The following CRTAC1 variants were observed in gnomAD, a reference collection of about 807,000 sequenced individuals.
CRTAC1 encodes the protein acidic secreted protein in cartilage.
In CRTAC1, 37 loss-of-function variants were observed where a neutral mutation model predicts 67.8. The ratio of observed to expected loss-of-function variants is 0.55; its 90% CI spans 0.42 to 0.72. The LOEUF (loss-of-function observed/expected upper bound fraction) is 0.72. CRTAC1 is among the 30% of genes least tolerant of loss of function. The probability of loss-of-function intolerance (pLI) is 0.00; values close to 1 mark genes in which losing one functional copy is unlikely to be tolerated. For missense variants in CRTAC1, 780 were observed against 931.6 expected (o/e 0.84, Z 2.12); for synonymous variants, 348 against 371.0 (o/e 0.94, Z 0.71).
intron 4 of CRTAC1, among the ~76,000 whole-genome samples, chr10:97,922,912 G>A (rs1192530715): frequency 1.3e-5 from 2 of 152,308 alleles, no homozygotes; most frequent in Non-Finnish European, 2.9e-5. Context: ...ATGAATACAG[G>A]CAGGATTTAG....
intron 2 of CRTAC1, among the ~76,000 whole-genome samples, chr10:97,967,972 A>G (rs557409410): frequency 6.6e-6 from 1 of 152,350 alleles, no homozygotes; most frequent in Non-Finnish European, 1.5e-5. Context: ...AGATCTGGGC[A>G]AGGAGAAAGA....
intron 2 of CRTAC1, among the ~76,000 whole-genome samples, chr10:97,968,783 C>T (rs959080087): frequency 5.9e-5 from 9 of 152,190 alleles, no homozygotes; most frequent in African/African-American, 2.2e-4. Context: ...CTGAAAAGAC[C>T]ATGAATCACC....
chr10:97,995,353 T>A (rs1203045795), intron 2 of CRTAC1, among the ~76,000 whole-genome samples: 2 of 152,194 alleles, frequency 1.3e-5, no homozygotes, highest in Non-Finnish European at 1.5e-5. Context: ...AAGACTTCCA[T>A]GCTGTAGAAC....
intron 14 of CRTAC1, among the ~76,000 whole-genome samples, chr10:97,873,001 C>T (rs1367079100): frequency 6.6e-6 from 1 of 152,186 alleles, no homozygotes; most frequent in Non-Finnish European, 1.5e-5. Context: ...CGTCCTGGCA[C>T]AGATTTTATG....
chr10:97,919,564 T>C (rs994977465), intron 4 of CRTAC1, among the ~76,000 whole-genome samples: 1 of 152,120 alleles, frequency 6.6e-6, no homozygotes, highest in Non-Finnish European at 1.5e-5. Context: ...TTTATGCTGC[T>C]ACCCGGAAAT....
chr10:97,905,262 T>C (rs531261579), intron 6 of CRTAC1, among the ~76,000 whole-genome samples: 9 of 152,318 alleles, frequency 5.9e-5, no homozygotes, highest in African/African-American at 1.9e-4. Context: ...CACAGGGTTC[T>C]GCCTGACCAT....
intron 12 of CRTAC1, among the ~76,000 whole-genome samples, chr10:97,883,815 C>T (rs2136541514): frequency 6.6e-6 from 1 of 152,332 alleles, no homozygotes; most frequent in East Asian, 1.9e-4. Context: ...CACCCTAGGG[C>T]AATAGGAGGT....
At chr10:97,918,354 T>A (rs1280601218) in intron 4 of CRTAC1, among the ~76,000 whole-genome samples, 1 of 152,180 alleles carries the variant, frequency 6.6e-6, no homozygotes, top group Non-Finnish European at 1.5e-5. Flanking sequence ...GTCATTCTCT[T>A]CTCTAGTCCA....
Position 97,878,605 on chromosome 10 carries a change from G to A in CRTAC1, c.1819+1644C>T, listed in dbSNP as rs780742007. Reference sequence around the variant, plus strand: ...GCTGGTCGTGAGCATATTCTGTGGCGTTACATCATTTCCAAAGAGTGTTCT... The same window carrying A: ...GCTGGTCGTGAGCATATTCTGTGGCATTACATCATTTCCAAAGAGTGTTCT... On this transcript the variant is annotated intron_variant, in intron 14 of 14. Coordinates refer to ENST00000370597, the MANE Select transcript of CRTAC1 (RefSeq NM_018058.7). The A allele has an allele frequency of 1.5e-4, 191 of 1,302,970 alleles. 1 individual carries two copies. Among genetic ancestry groups the A allele is most frequent in the African/African-American group, 6.5e-4 (43 of 65,904 alleles). 80.7% of individuals were successfully genotyped at this position (1,302,970 alleles called of 1,614,324 possible).
At chr10:98,005,100 A>ATATATAT in intron 2 of CRTAC1, among the ~76,000 whole-genome samples, 4 of 48,926 alleles carry the variant, frequency 8.2e-5, no homozygotes, top group African/African-American at 1.2e-4. Context: ...ATATATATAT[A>ATATATAT]TTTTTTTTTT....
chr10:97,986,956 C>T (rs1181904556), intron 2 of CRTAC1, among the ~76,000 whole-genome samples: 1 of 152,212 alleles, frequency 6.6e-6, no homozygotes, highest in Non-Finnish European at 1.5e-5. Flanking sequence ...GAGTTTGGTA[C>T]ATTGCAGGTG....
intron 3 of CRTAC1, among the ~76,000 whole-genome samples, chr10:97,925,607 G>C (rs2050901155): frequency 6.7e-6 from 1 of 149,018 alleles, no homozygotes; most frequent in Admixed American, 6.7e-5. Flanking sequence ...TGAGAGCGGG[G>C]ATGAGTGAGA....
At chr10:97,977,154 G>A (rs1164463687) in intron 2 of CRTAC1, among the ~76,000 whole-genome samples, 3 of 152,236 alleles carry the variant, frequency 2.0e-5, no homozygotes, top group Non-Finnish European at 4.4e-5. Flanking sequence ...GTTCTGAACA[G>A]CTGGACCAGG....
At chr10:97,890,003 T>G (rs780110231) in intron 11 of CRTAC1, among the ~76,000 whole-genome samples, 2 of 151,960 alleles carry the variant, frequency 1.3e-5, no homozygotes, top group African/African-American at 2.4e-5. Context: ...AGATGATGAG[T>G]GTGAGTGCTG....
rs1368765671 is a variant in CRTAC1, at chr10:98,018,813, G to A, written c.25-7476C>T. On this transcript the variant is annotated intron_variant, in intron 1 of 14. Coordinates refer to ENST00000370597, the MANE Select transcript of CRTAC1 (RefSeq NM_018058.7). ...AGACATGAAGGAGAGAGGCAGCCAC[G>A]GGAACACTGCCCCACACAGGCTGGG... Among the ~76,000 whole-genome samples, 4 of 145,728 alleles carry A rather than the reference G, an allele frequency of 2.7e-5. No individual in the cohort carries two copies. The East Asian group carries it at 7.7e-4, about 28-fold the overall frequency.
Position 97,865,397 on chromosome 10 carries a change from TC to T in CRTAC1, c.*150del. The T allele has an allele frequency of 1.1e-6, 1 of 920,642 alleles. No individual in the cohort carries two copies. Among genetic ancestry groups the T allele is most frequent in the South Asian group, 2.1e-5 (1 of 48,002 alleles). The allele number at this position is 920,642 out of a possible 1,614,324, so 57.0% of individuals were successfully genotyped here. Reference sequence around the variant, plus strand: ...AGCACAGGGCCTGGCCTTACGAGTCTCCCTAATTGTTAGCTAAGTAATGTGC... The same window carrying T: ...AGCACAGGGCCTGGCCTTACGAGTCTCCTAATTGTTAGCTAAGTAATGTGC... On this transcript the variant is annotated 3_prime_UTR_variant, in exon 15 of 15. Transcript: ENST00000370597.
intron 2 of CRTAC1, among the ~76,000 whole-genome samples, chr10:98,008,100 G>A (rs1842829283): frequency 6.6e-6 from 1 of 152,134 alleles, no homozygotes; most frequent in African/African-American, 2.4e-5. Context: ...AAAGGATAGG[G>A]AAACTGAAAA....
At chr10:98,011,409 G>A in intron 1 of CRTAC1, 72 bp from the exon 2 acceptor site, 1 of 1,582,816 alleles carries the variant, frequency 6.3e-7, no homozygotes, top group Admixed American at 1.7e-5. Flanking sequence ...TAAAGTCCTG[G>A]GTAGGCCCAG....
At chr10:97,979,228 G>A (rs1025228739) in intron 2 of CRTAC1, among the ~76,000 whole-genome samples, 4 of 152,190 alleles carry the variant, frequency 2.6e-5, no homozygotes, top group Admixed American at 1.3e-4. Flanking sequence ...CTGCTAAAGC[G>A]TGGTCCTTGA....
Sources: allele counts gnomAD v4.1 joint callset (sites outside exome capture counted in the v4.1 genomes callset), GRCh38; gene constraint gnomAD v4.1.1; transcripts MANE v1.5; gene names NCBI Gene and HGNC (gene_info 2026-07-23, HGNC 2026-07-21).